AGPAT4: variants seen among roughly 807,000 people sequenced by gnomAD.
AGPAT4 encodes the protein 1-acyl-sn-glycerol-3-phosphate acyltransferase delta.
Under a neutral mutation model 48.0 loss-of-function variants are expected in AGPAT4, and 15 were observed. That is an observed-to-expected ratio of 0.31 (90% CI 0.21 to 0.48). The LOEUF is 0.48. Among genes scored for constraint, AGPAT4 ranks in the 20% least tolerant of loss-of-function variants. The pLI, the probability that AGPAT4 is intolerant of heterozygous loss-of-function variation, is 0.99. For missense variants in AGPAT4, 314 were observed against 482.5 expected, an observed-to-expected ratio of 0.65 and a Z score of 3.27; for synonymous variants, 178 against 198.7, an observed-to-expected ratio of 0.90 and a Z score of 0.88.
In AGPAT4 at chr6:161,164,961, G is replaced by C. The variant is rs753765494; in HGVS notation, c.348+1287C>G. ...GCACCTCAGAAAGCCTAGCTGTAAA[G>C]GTGGTAAGACAGGTGACCTGACAGT... On this transcript the variant is annotated intron_variant, in intron 3 of 8. Coordinates refer to ENST00000320285, the MANE Select transcript of AGPAT4 (RefSeq NM_020133.3). This position sits in a 1 kb window ranked among gnomAD's most constrained non-coding sequence, Gnocchi z 7.4. Among the ~76,000 whole-genome samples the C allele has an allele frequency of 1.8e-4, 27 of 152,320 alleles. No individual in the cohort carries two copies. The highest frequency in any genetic ancestry group is 2.8e-4 in the Non-Finnish European group (19 of 68,038).
chr6:161,153,375 G>A lies in AGPAT4; in HGVS notation c.635C>T (p.Ala212Val), dbSNP rs1443521818. ...ATTTCTCAAGCTCCTCACGGTGATG[G>A]CGAAGCCCTTGGTTCGTGGCAACAG... ...HHLLPRTKGF[A>V]ITVRSLRNVV... is the part of the protein sequence containing the mutation. The change falls in exon 5 of 9, where the codon GCC becomes GTC. Residue 212 changes from alanine (A) to valine (V), a missense_variant. Coordinates refer to ENST00000320285, the MANE Select transcript of AGPAT4 (RefSeq NM_020133.3). The A allele has an allele frequency of 6.2e-7, 1 of 1,610,278 alleles. No homozygotes were observed. Among genetic ancestry groups the A allele is most frequent in the Non-Finnish European group, 8.5e-7 (1 of 1,178,198 alleles).
In AGPAT4 at chr6:161,186,218, C is replaced by T. The variant is rs192954034; in HGVS notation, c.179-19801G>A. On this transcript the variant is annotated intron_variant, in intron 2 of 8. Transcript: ENST00000320285. ...CTCCTGATGGCTAACCTGGAACACT[C>T]ATGCTTAAGATGAGTGAATCAGAGC... 2.1e-3 allele frequency among the ~76,000 whole-genome samples: 317 copies of T among 152,260 alleles called. 2 individuals are homozygous for T. Among genetic ancestry groups the T allele is most frequent in the African/African-American group, 7.2e-3 (299 of 41,560 alleles).
In AGPAT4 at chr6:161,200,139, C is replaced by G. The variant is rs757590993; in HGVS notation, c.178+31897G>C. Among the ~76,000 whole-genome samples the G allele has an allele frequency of 3.3e-5, 5 of 152,206 alleles. No homozygotes were observed. The highest frequency in any genetic ancestry group is 7.3e-5 in the Non-Finnish European group (5 of 68,032). On this transcript the variant is annotated intron_variant, in intron 2 of 8. Transcript: ENST00000320285. This position sits in a 1 kb window ranked among gnomAD's most constrained non-coding sequence, Gnocchi z 5.5. ...AGAGGAAGGAAGAAATGAGGACAGA[C>G]AGCAAAAGGAAAAACTAGAAATTCT...
chr6:161,163,285 T>G (rs1402680298), intron 3 of AGPAT4, among the ~76,000 whole-genome samples: 1 of 152,248 alleles, frequency 6.6e-6, no homozygotes, highest in Non-Finnish European at 1.5e-5. Flanking sequence ...GAAAAATGCC[T>G]GGTCAGGAAC....
intron 2 of AGPAT4, among the ~76,000 whole-genome samples, chr6:161,194,773 T>G (rs533301404): frequency 3.3e-5 from 5 of 152,308 alleles, no homozygotes; most frequent in African/African-American, 1.2e-4. Context: ...TCGACAAGGC[T>G]GTTTCTTGAC....
At chr6:161,256,931 T>C (rs543288663) in intron 1 of AGPAT4, among the ~76,000 whole-genome samples, 1 of 152,338 alleles carries the variant, frequency 6.6e-6, no homozygotes, top group East Asian at 1.9e-4. Context: ...TTCCCAAAAG[T>C]CAGCCTTTGG....
Position 161,242,990 on chromosome 6 carries a change from G to C in AGPAT4, c.-89-10688C>G, listed in dbSNP as rs958684988. Among the ~76,000 whole-genome samples, 2 of 152,140 alleles carry C rather than the reference G, an allele frequency of 1.3e-5. No homozygotes were observed. Among genetic ancestry groups the C allele is most frequent in the Non-Finnish European group, 2.9e-5 (2 of 68,038 alleles). On this transcript the variant is annotated intron_variant, in intron 1 of 8. Coordinates refer to ENST00000320285, the MANE Select transcript of AGPAT4 (RefSeq NM_020133.3). The surrounding 1 kb of genome is among the most constrained non-coding windows in gnomAD (Gnocchi z 5.0). ...AAGCAGGAGAATTGATTGAACCCAG[G>C]AGGTGGAGGTTGCAGTGAGTGGAGA...
intron 1 of AGPAT4, among the ~76,000 whole-genome samples, chr6:161,256,923 C>G (rs1478911428): frequency 6.6e-6 from 1 of 152,216 alleles, no homozygotes; most frequent in Non-Finnish European, 1.5e-5. Flanking sequence ...TTTCCACTTT[C>G]CCAAAAGTCA....
intron 1 of AGPAT4, among the ~76,000 whole-genome samples, chr6:161,268,294 T>C (rs146803346): frequency 3.6e-4 from 55 of 152,338 alleles, no homozygotes; most frequent in African/African-American, 1.1e-3. Flanking sequence ...GCAGGTTACC[T>C]GGCATAAACT....
At position 161,136,588 on chromosome 6, in the gene AGPAT4, C is replaced by G. The variant is rs1353100784; in HGVS notation, c.1089G>C (p.Lys363Asn). The G allele has an allele frequency of 6.2e-7, 1 of 1,614,100 alleles. No individual in the cohort carries two copies. Reference sequence around the variant, plus strand: ...TGTCAGAGTTGCCGTAGGCAGAGCCCTTGTCAATTTCCGTCACACCAATCA... The same window carrying G: ...TGTCAGAGTTGCCGTAGGCAGAGCCGTTGTCAATTTCCGTCACACCAATCA... ...RWMIGVTEID[K>N]GSAYGNSDSK... The change falls in exon 9 of 9, where the codon AAG becomes AAC. Residue 363 changes from lysine (K) to asparagine (N), a missense_variant. Transcript: ENST00000320285.
At position 161,214,945 on chromosome 6, in the gene AGPAT4, C is replaced by A. The variant is rs1164550811; in HGVS notation, c.178+17091G>T. The stretch of plus-strand genomic sequence containing the variant: ...TGACCTCCAAACCTGTTCTGCTGGC[C>A]TGCCTTAGATAAGACTGAGACAAAG... On this transcript the variant is annotated intron_variant, in intron 2 of 8. Coordinates refer to ENST00000320285, the MANE Select transcript of AGPAT4 (RefSeq NM_020133.3). This position sits in a 1 kb window ranked among gnomAD's most constrained non-coding sequence, Gnocchi z 5.4. Among the ~76,000 whole-genome samples, 1 of 152,140 alleles carries A rather than the reference C, an allele frequency of 6.6e-6. No homozygotes were observed. The highest frequency in any genetic ancestry group is 1.5e-5 in the Non-Finnish European group (1 of 68,026).
chr6:161,162,283 T>TAGGGTA (rs1209732733), intron 3 of AGPAT4, among the ~76,000 whole-genome samples: 7 of 152,232 alleles, frequency 4.6e-5, no homozygotes, highest in Non-Finnish European at 1.0e-4. Context: ...CCCACATCCC[T>TAGGGTA]GGGGCACGGG....
In AGPAT4 at chr6:161,236,839, T is replaced by C. The variant is rs1201058102; in HGVS notation, c.-89-4537A>G. On this transcript the variant is annotated intron_variant, in intron 1 of 8. Transcript: ENST00000320285. This position sits in a 1 kb window ranked among gnomAD's most constrained non-coding sequence, Gnocchi z 5.0. ...ATCACTTAAACCTGGGAGGCAGAGG[T>C]TGCAGTGAGCCGAGATTGTGCCACT... 6.6e-6 allele frequency among the ~76,000 whole-genome samples: 1 copy of C among 151,780 alleles called. No homozygotes were observed. The highest frequency in any genetic ancestry group is 2.4e-5 in the African/African-American group (1 of 41,284).
intron 1 of AGPAT4, among the ~76,000 whole-genome samples, chr6:161,239,374 T>C (rs1486547788): frequency 1.3e-5 from 2 of 152,248 alleles, no homozygotes; most frequent in Admixed American, 6.5e-5. Flanking sequence ...TATTCTGTCT[T>C]ATTCAAAATT....
In AGPAT4 at chr6:161,189,600, G is replaced by A. The variant is rs7771961; in HGVS notation, c.179-23183C>T. On this transcript the variant is annotated intron_variant, in intron 2 of 8. Coordinates refer to ENST00000320285, the MANE Select transcript of AGPAT4 (RefSeq NM_020133.3). This position sits in a 1 kb window ranked among gnomAD's most constrained non-coding sequence, Gnocchi z 5.3. ...GCAACTTGCCCCAGGCCACTGAGACGGTACGGACTTCTGTCTGTGCTGTAC... is the reference window on the plus strand; with the variant it reads ...GCAACTTGCCCCAGGCCACTGAGACAGTACGGACTTCTGTCTGTGCTGTAC... Among the ~76,000 whole-genome samples the A allele has an allele frequency of 0.17, 26,459 of 151,968 alleles. 4,064 individuals are homozygous for A. The highest frequency in any genetic ancestry group is 0.42 in the African/African-American group (17,354 of 41,376).
At position 161,262,425 on chromosome 6, in the gene AGPAT4, T is replaced by C. The variant is rs1359750755; in HGVS notation, c.-90+11513A>G. Among the ~76,000 whole-genome samples the C allele has an allele frequency of 6.6e-6, 1 of 151,474 alleles. No homozygotes were observed. The highest frequency in any genetic ancestry group is 1.5e-5 in the Non-Finnish European group (1 of 67,904). On this transcript the variant is annotated intron_variant, in intron 1 of 8. Transcript: ENST00000320285. The surrounding 1 kb of genome is among the most constrained non-coding windows in gnomAD (Gnocchi z 4.9). ...CTACTTCCCACTGCTGTGTGTGAGC[T>C]CCCCAAACCCCAAACTCTTCCACAG...
At position 161,270,712 on chromosome 6, in the gene AGPAT4, G is replaced by T. The variant is rs1444501868; in HGVS notation, c.-90+3226C>A. Among the ~76,000 whole-genome samples, 3 of 152,166 alleles carry T rather than the reference G, an allele frequency of 2.0e-5. No individual in the cohort carries two copies. The highest frequency in any genetic ancestry group is 2.9e-5 in the Non-Finnish European group (2 of 68,040). On this transcript the variant is annotated intron_variant, in intron 1 of 8. Coordinates refer to ENST00000320285, the MANE Select transcript of AGPAT4 (RefSeq NM_020133.3). The surrounding 1 kb of genome is among the most constrained non-coding windows in gnomAD (Gnocchi z 5.3). ...CAGGAGAATCGCTTGAATCCAGGAGGGGGAGGTTGTGGTGAGCCGAGATCA... is the reference window on the plus strand; with the variant it reads ...CAGGAGAATCGCTTGAATCCAGGAGTGGGAGGTTGTGGTGAGCCGAGATCA...
At position 161,146,706 on chromosome 6, in the gene AGPAT4, T is replaced by C. The variant is rs892097991; in HGVS notation, c.768-107A>G. On this transcript the variant is annotated intron_variant, in intron 6 of 8. Transcript: ENST00000320285. The surrounding 1 kb of genome is among the most constrained non-coding windows in gnomAD (Gnocchi z 7.1). The stretch of plus-strand genomic sequence containing the variant: ...TTTGTTTTTATCTGGGTCACCTAAA[T>C]AATGTGGAACTGAAGAGAGTAATGC... 4.1e-6 allele frequency: 4 copies of C among 986,126 alleles called. No homozygotes were observed. The highest frequency in any genetic ancestry group is 1.6e-5 in the African/African-American group (1 of 62,808). The allele number at this position is 986,126 out of a possible 1,614,324, so 61.1% of individuals were successfully genotyped here.
Position 161,226,355 on chromosome 6 carries a change from G to T in AGPAT4, c.178+5681C>A, listed in dbSNP as rs376703844. On this transcript the variant is annotated intron_variant, in intron 2 of 8. Transcript: ENST00000320285. This position sits in a 1 kb window ranked among gnomAD's most constrained non-coding sequence, Gnocchi z 6.3. ...AATTGAAATGAGAAAAAGCAGCCCT[G>T]TCATTAATCAGGCAGGGAGGAGAAG... Among the ~76,000 whole-genome samples, 2 of 152,220 alleles carry T rather than the reference G, an allele frequency of 1.3e-5. No individual in the cohort carries two copies. Among genetic ancestry groups the T allele is most frequent in the East Asian group, 1.9e-4 (1 of 5,202 alleles).
Sources: allele counts gnomAD v4.1 joint callset (sites outside exome capture counted in the v4.1 genomes callset), GRCh38; gene constraint gnomAD v4.1.1; non-coding constraint Gnocchi (gnomAD v3.1); transcripts MANE v1.5; gene names NCBI Gene and HGNC (gene_info 2026-07-23, HGNC 2026-07-21).